The following CYP20A1 variants were observed in gnomAD, a reference collection of about 807,000 sequenced individuals.
The protein encoded by CYP20A1 is cytochrome P450 family 20 subfamily A member 1.
CYP20A1 carries 61 observed loss-of-function variants against 61.4 expected under a neutral mutation model. The ratio of observed to expected loss-of-function variants is 0.99; its 90% CI spans 0.81 to 1.23. The LOEUF (loss-of-function observed/expected upper bound fraction) is 1.23. CYP20A1 is among the 50% of genes most tolerant of loss of function. The pLI, the probability that CYP20A1 is intolerant of heterozygous loss-of-function variation, is 0.00. For missense variants in CYP20A1, 530 were observed against 542.4 expected (o/e 0.98, Z 0.23); for synonymous variants, 193 against 188.2 (o/e 1.03, Z -0.21).
rs749309243 is a variant in CYP20A1, at chr2:203,296,488, G to A, written c.1163G>A (p.Arg388Gln). 1.1e-5 allele frequency: 18 copies of A among 1,610,742 alleles called. No individual in the cohort carries two copies. The highest frequency in any genetic ancestry group is 2.2e-5 in the East Asian group (1 of 44,732). ...WPSPHKFDPD[R>Q]FDDELVMKTF... ...TTTCTTTGTAGGTTTGATCCAGATC[G>A]GTTTGATGATGAATTAGTAATGAAA... The change falls in exon 12 of 13, where the codon CGG becomes CAG. Residue 388 changes from arginine (R) to glutamine (Q), a missense_variant. Coordinates refer to ENST00000356079, the MANE Select transcript of CYP20A1 (RefSeq NM_177538.3).
At chr2:203,253,831 G>T (rs1490052090) in intron 4 of CYP20A1, among the ~76,000 whole-genome samples, 4 of 151,930 alleles carry the variant, frequency 2.6e-5, no homozygotes, top group African/African-American at 9.7e-5. Flanking sequence ...CCTTGCTCTG[G>T]ATGGGGGTGG....
intron 6 of CYP20A1, among the ~76,000 whole-genome samples, chr2:203,274,477 C>T (rs1051645600): frequency 6.6e-6 from 1 of 152,108 alleles, no homozygotes; most frequent in Non-Finnish European, 1.5e-5. Flanking sequence ...TGAGCCACCA[C>T]GTCCGGCCAA....
intron 5 of CYP20A1, 120 bp downstream of exon 5, chr2:203,266,801 TA>T (rs2067341484): frequency 1.0e-5 from 8 of 780,922 alleles, no homozygotes; most frequent in Non-Finnish European, 1.7e-5. Context: ...CCCCACATGG[TA>T]AAAACGTGTC....
intron 4 of CYP20A1, among the ~76,000 whole-genome samples, chr2:203,256,207 G>A (rs2066888828): frequency 6.6e-6 from 1 of 151,984 alleles, no homozygotes; most frequent in Non-Finnish European, 1.5e-5. Flanking sequence ...GGCCTCAAGT[G>A]TTCCTCCCAC....
rs1204888153 is a variant in CYP20A1 at position 203,296,773 on chromosome 2, G to A, written c.1254G>A (p.Val418=). Residue 418 remains valine (V), a synonymous_variant, in exon 13 of 13, where the codon GTG becomes GTA. Coordinates refer to ENST00000356079, the MANE Select transcript of CYP20A1 (RefSeq NM_177538.3). ...TCCTGACTAGGTTTGCATATATGGT[G>A]ACCACAGTACTTCTTAGTGTATTGG... The part of the protein sequence containing the change: ...ECPELRFAYM[V]TTVLLSVLVK... 3 of 1,589,236 alleles carry A rather than the reference G, an allele frequency of 1.9e-6. No homozygotes were observed. The highest frequency in any genetic ancestry group is 2.3e-5 in the South Asian group (2 of 85,430).
chr2:203,293,216 CTT>C (rs1369639507), intron 11 of CYP20A1, among the ~76,000 whole-genome samples: 2 of 134,710 alleles, frequency 1.5e-5, no homozygotes, highest in East Asian at 2.3e-4. Context: ...ATTTCTCTCT[CTT>C]TTTTTTTTTT....
rs1454981856 is a variant in CYP20A1, at chr2:203,299,068, A to G, written c.*2160A>G. On this transcript the variant is annotated 3_prime_UTR_variant, in exon 13 of 13. Transcript: ENST00000356079. ...AAAGGAGTATCTTAAGTGTCTTTCAAAATTACACTTTAGCACTTATAAATT... is the reference window on the plus strand; with the variant it reads ...AAAGGAGTATCTTAAGTGTCTTTCAGAATTACACTTTAGCACTTATAAATT... 2.0e-5 allele frequency among the ~76,000 whole-genome samples: 3 copies of G among 152,146 alleles called. No homozygotes were observed. Among genetic ancestry groups the G allele is most frequent in the African/African-American group, 7.2e-5 (3 of 41,450 alleles).
intron 4 of CYP20A1, among the ~76,000 whole-genome samples, chr2:203,257,946 G>A (rs971136081): frequency 3.3e-5 from 5 of 152,180 alleles, no homozygotes; most frequent in Admixed American, 6.5e-5. Flanking sequence ...CTGTTGCCTG[G>A]GCTCAAGTGC....
chr2:203,244,702 A>G (rs958331523), intron 1 of CYP20A1, among the ~76,000 whole-genome samples: 2 of 151,386 alleles, frequency 1.3e-5, no homozygotes, highest in Admixed American at 6.6e-5. Context: ...TAACTGACAG[A>G]GGAAGAATAA....
Position 203,239,749 on chromosome 2 carries a change from C to T in CYP20A1, c.72+615C>T, listed in dbSNP as rs1278633275. On this transcript the variant is annotated intron_variant, in intron 1 of 12. Coordinates refer to ENST00000356079, the MANE Select transcript of CYP20A1 (RefSeq NM_177538.3). Reference sequence around the variant, plus strand: ...CTCTGCCGCTGACGCCTCTGCGAGCCTCCGGTCCTCCTCTCTCCACTTGCC... The same window carrying T: ...CTCTGCCGCTGACGCCTCTGCGAGCTTCCGGTCCTCCTCTCTCCACTTGCC... Among the ~76,000 whole-genome samples the T allele has an allele frequency of 3.9e-5, 6 of 152,208 alleles. No individual in the cohort carries two copies. The East Asian group carries it at 1.2e-3, about 29-fold the overall frequency.
rs1236136911 is a variant in CYP20A1, at chr2:203,303,527, C to CTCTA, written c.*6620_*6623dup. Among the ~76,000 whole-genome samples, 2 of 151,776 alleles carry CTCTA rather than the reference C, an allele frequency of 1.3e-5. No individual in the cohort carries two copies. Among genetic ancestry groups the CTCTA allele is most frequent in the East Asian group, 3.9e-4 (2 of 5,082 alleles). ...CCTGGCCAACGTGGTGAAACTCCAT[C>CTCTA]TCTACTAAAAATACCAAAAGTAGCG... On this transcript the variant is annotated 3_prime_UTR_variant, in exon 13 of 13. Coordinates refer to ENST00000356079, the MANE Select transcript of CYP20A1 (RefSeq NM_177538.3).
At chr2:203,262,020 TCC>T (rs1290107785) in intron 4 of CYP20A1, among the ~76,000 whole-genome samples, 1 of 152,042 alleles carries the variant, frequency 6.6e-6, no homozygotes, top group Non-Finnish European at 1.5e-5. Context: ...CTGACTGCTT[TCC>T]AGTGCACTGC....
At position 203,297,776 on chromosome 2, in the gene CYP20A1, G is replaced by A. The variant is rs2068874028; in HGVS notation, c.*868G>A. The A allele has an allele frequency of 6.6e-6, 1 of 152,206 alleles. No individual in the cohort carries two copies. The highest frequency in any genetic ancestry group is 6.6e-5 in the Admixed American group (1 of 15,250). 9.4% of individuals were successfully genotyped at this position (152,206 alleles called of 1,614,324 possible). ...GTGGAGCACCTGAGGTCAGGAATTC[G>A]AGATCAGCCTGGCCAACATGGTGAA... On this transcript the variant is annotated 3_prime_UTR_variant, in exon 13 of 13. Transcript: ENST00000356079.
At chr2:203,279,609 T>C (rs563279710) in intron 7 of CYP20A1, among the ~76,000 whole-genome samples, 11 of 152,162 alleles carry the variant, frequency 7.2e-5, no homozygotes, top group Admixed American at 4.6e-4. Flanking sequence ...TAGTTTGATA[T>C]ATGTTGGTGC....
In CYP20A1 at chr2:203,266,651, A is replaced by G. The variant is rs375170042; in HGVS notation, c.570A>G (p.Glu190=). The G allele has an allele frequency of 7.4e-6, 12 of 1,613,946 alleles. No individual in the cohort carries two copies. Among genetic ancestry groups the G allele is most frequent in the African/African-American group, 6.7e-5 (5 of 74,920 alleles). ...VMGSTFEDDQ[E]VIRFQKNHGT... ...GTAGTACATTTGAAGATGATCAGGA[A>G]GTCATTCGCTTCCAGAAGAATCATG... Residue 190 remains glutamate, a synonymous_variant, in exon 5 of 13, where the codon GAA becomes GAG. Transcript: ENST00000356079.
chr2:203,271,200 G>T (rs2067585021), intron 5 of CYP20A1, among the ~76,000 whole-genome samples: 1 of 142,020 alleles, frequency 7.0e-6, no homozygotes, highest in East Asian at 2.1e-4. Flanking sequence ...CCATTCTTCT[G>T]CCTCAGCCTC....
intron 1 of CYP20A1, among the ~76,000 whole-genome samples, chr2:203,243,975 C>A (rs957904217): frequency 6.6e-6 from 1 of 152,168 alleles, no homozygotes; most frequent in African/African-American, 2.4e-5. Context: ...TCGATGCAAG[C>A]CACCACACCT....
chr2:203,260,138 G>A (rs1322298018), intron 4 of CYP20A1, among the ~76,000 whole-genome samples: 1 of 151,998 alleles, frequency 6.6e-6, no homozygotes, highest in Non-Finnish European at 1.5e-5. Context: ...TGTTGGTCAG[G>A]CTGGTCTTGA....
intron 4 of CYP20A1, among the ~76,000 whole-genome samples, chr2:203,262,632 C>G (rs915812614): frequency 4.0e-5 from 6 of 151,884 alleles, no homozygotes; most frequent in Non-Finnish European, 7.4e-5. Context: ...GAATTTAAGT[C>G]TATACATTTC....
Sources: gnomAD v4.1 joint callset for allele counts (sites outside exome capture counted in the v4.1 genomes callset) on GRCh38, gnomAD v4.1.1 for gene constraint, MANE v1.5 for transcripts, NCBI Gene and HGNC (gene_info 2026-07-23, HGNC 2026-07-21) for gene names.